Variants in SFXN5 observed in about 807,000 individuals in gnomAD.
SFXN5 encodes sideroflexin-5.
In SFXN5, 43 loss-of-function variants were observed where a neutral mutation model predicts 50.2. The observed-to-expected ratio is 0.86, with a 90% CI of 0.67 to 1.11. SFXN5 has a LOEUF of 1.11. SFXN5 is among the 50% of genes least tolerant of loss of function. The pLI is 0.00. For synonymous variants in SFXN5, 203 were observed against 185.8 expected (o/e 1.09, Z -0.75); for missense variants, 463 against 454.1 (o/e 1.02, Z -0.18).
chr2:72,998,990 G>A lies in SFXN5; in HGVS notation c.493C>T (p.Gln165Ter). ...TKPSPASKFI[Q>*]GYLGAVISAV... ...CTGATGACAGCTCCCAGGTATCCCT[G>A]GATGAACTTGGATGCAGGTGAAGGC... Residue 165 changes from glutamine (Q) to a stop codon, truncating the protein, a stop_gained, in exon 9 of 14, where the codon CAG becomes TAG. Transcript: ENST00000272433. LOFTEE classifies it high-confidence loss of function. The A allele has an allele frequency of 6.2e-7, 1 of 1,614,178 alleles. No homozygotes were observed. The highest frequency in any genetic ancestry group is 8.5e-7 in the Non-Finnish European group (1 of 1,180,028).
rs992482279 is a variant in SFXN5 at position 72,992,571 on chromosome 2, C to G, written c.535-4223G>C. On this transcript the variant is annotated intron_variant, in intron 9 of 13. Coordinates refer to ENST00000272433, the MANE Select transcript of SFXN5 (RefSeq NM_144579.3). The surrounding 1 kb of genome is among the most constrained non-coding windows in gnomAD (Gnocchi z 4.5). Reference sequence around the variant, plus strand: ...GCCTCCTCGCCCATTTCCAGCTCTGCTTCTCATGCCAGAGACCTCACAGCG... The same window carrying G: ...GCCTCCTCGCCCATTTCCAGCTCTGGTTCTCATGCCAGAGACCTCACAGCG... Among the ~76,000 whole-genome samples, 9 of 152,238 alleles carry G rather than the reference C, an allele frequency of 5.9e-5. No individual in the cohort carries two copies. Among genetic ancestry groups the G allele is most frequent in the African/African-American group, 2.2e-4 (9 of 41,464 alleles).
At chr2:72,982,820 GCC>G (rs1255537800) in intron 10 of SFXN5, among the ~76,000 whole-genome samples, 2 of 152,238 alleles carry the variant, frequency 1.3e-5, no homozygotes, top group Non-Finnish European at 2.9e-5. Context: ...AAGGCCTGGG[GCC>G]CGGCAAGAGG....
At chr2:73,016,684 A>T (rs2105800033) in intron 6 of SFXN5, among the ~76,000 whole-genome samples, 1 of 152,344 alleles carries the variant, frequency 6.6e-6, no homozygotes, top group South Asian at 2.1e-4. Flanking sequence ...AGCCTGGGAG[A>T]CAGAGTGAGA....
At chr2:73,025,796 G>A (rs1391023757) in intron 3 of SFXN5, among the ~76,000 whole-genome samples, 6 of 152,160 alleles carry the variant, frequency 3.9e-5, no homozygotes, top group African/African-American at 9.7e-5. Flanking sequence ...AGGGAGAGAC[G>A]TTGAAAATGT....
At chr2:72,979,288 C>A (rs563195505) in intron 10 of SFXN5, among the ~76,000 whole-genome samples, 2 of 152,200 alleles carry the variant, frequency 1.3e-5, no homozygotes, top group South Asian at 4.1e-4. Context: ...GTGTATCTAA[C>A]GTTCTCTTTC....
intron 5 of SFXN5, among the ~76,000 whole-genome samples, chr2:73,021,345 G>A (rs1559164914): frequency 6.6e-6 from 1 of 152,234 alleles, no homozygotes; most frequent in African/African-American, 2.4e-5. Context: ...TTAGCCAGGT[G>A]TGGTAGTGTG....
At chr2:73,055,505 A>G (rs181824899) in intron 2 of SFXN5, among the ~76,000 whole-genome samples, 3 of 152,232 alleles carry the variant, frequency 2.0e-5, no homozygotes, top group African/African-American at 7.2e-5. Flanking sequence ...TACTTAATAA[A>G]TATTTGACAT....
chr2:72,961,062 A>C lies in SFXN5; in HGVS notation c.945+69T>G. 8.9e-7 allele frequency: 1 copy of C among 1,120,292 alleles called. No homozygotes were observed. Among genetic ancestry groups the C allele is most frequent in the South Asian group, 1.7e-5 (1 of 59,466 alleles). The allele number at this position is 1,120,292 out of a possible 1,614,324, so 69.4% of individuals were successfully genotyped here. ...GGCGCTAAGGAGTCGGCACGGTATG[A>C]GTATTTGTTCAGAAATCACCAAACA... On this transcript the variant is annotated intron_variant, in intron 13 of 13. Transcript: ENST00000272433. The surrounding 1 kb of genome is among the most constrained non-coding windows in gnomAD (Gnocchi z 4.4).
intron 2 of SFXN5, among the ~76,000 whole-genome samples, chr2:73,046,649 A>G (rs889287764): frequency 6.6e-6 from 1 of 152,084 alleles, no homozygotes; most frequent in Non-Finnish European, 1.5e-5. Flanking sequence ...CTGCACCCCA[A>G]AAACTATTTT....
chr2:72,963,149 C>T (rs1385112860), intron 12 of SFXN5, among the ~76,000 whole-genome samples: 3 of 152,166 alleles, frequency 2.0e-5, no homozygotes, highest in South Asian at 2.1e-4. Flanking sequence ...TGTGGAAGGA[C>T]GGGGCTGCCC....
chr2:73,053,965 G>A (rs1279869071), intron 2 of SFXN5, among the ~76,000 whole-genome samples: 1 of 152,198 alleles, frequency 6.6e-6, no homozygotes, highest in Non-Finnish European at 1.5e-5. Flanking sequence ...GGGGGAGCCT[G>A]GCCCTCCCAG....
intron 1 of SFXN5, among the ~76,000 whole-genome samples, chr2:73,062,579 G>A (rs1574272159): frequency 1.3e-5 from 2 of 152,070 alleles, no homozygotes; most frequent in African/African-American, 4.8e-5. Context: ...TAGCTACTGG[G>A]GGAGACTCCC....
intron 6 of SFXN5, among the ~76,000 whole-genome samples, chr2:73,007,131 G>C (rs890912810): frequency 1.3e-5 from 2 of 152,178 alleles, no homozygotes; most frequent in Non-Finnish European, 2.9e-5. Flanking sequence ...ATAAAGGCAG[G>C]AGGGGTAAGG....
At chr2:73,067,539 T>G (rs937387197) in intron 1 of SFXN5, among the ~76,000 whole-genome samples, 1 of 152,234 alleles carries the variant, frequency 6.6e-6, no homozygotes, top group Non-Finnish European at 1.5e-5. Context: ...TTTGTTGTCT[T>G]TTGACTTCTC....
intron 2 of SFXN5, among the ~76,000 whole-genome samples, chr2:73,057,264 G>A (rs896532615): frequency 1.3e-5 from 2 of 151,992 alleles, no homozygotes; most frequent in Non-Finnish European, 2.9e-5. Context: ...TGAGCCTCTC[G>A]AGTAGCTGGG....
chr2:73,044,379 G>C (rs556456169), intron 2 of SFXN5: 1 of 152,432 alleles, frequency 6.6e-6, no homozygotes, highest in Middle Eastern at 3.4e-3. Flanking sequence ...AAGGCCGAGG[G>C]GCTGAGGCTC....
At chr2:72,966,621 CA>C (rs1476669072) in intron 12 of SFXN5, among the ~76,000 whole-genome samples, 1 of 152,216 alleles carries the variant, frequency 6.6e-6, no homozygotes, top group Non-Finnish European at 1.5e-5. Flanking sequence ...GCTGGGCACA[CA>C]GGACCCCTCA....
intron 10 of SFXN5, among the ~76,000 whole-genome samples, chr2:72,980,691 A>T (rs1671186584): frequency 6.6e-6 from 1 of 152,158 alleles, no homozygotes; most frequent in Non-Finnish European, 1.5e-5. Context: ...CCATCTTTTT[A>T]AAAAGCCCCT....
At position 73,023,222 on chromosome 2, in the gene SFXN5, A is replaced by G; in HGVS notation, c.250-8T>C. On this transcript the variant is annotated splice_polypyrimidine_tract_variant and splice_region_variant and intron_variant, in intron 3 of 13. Transcript: ENST00000272433. Reference sequence around the variant, plus strand: ...TTTCTGTGCACTCCAGAGCTGGAAGAGAGATAAAGGAAAAGAAAATAAAGA... The same window carrying G: ...TTTCTGTGCACTCCAGAGCTGGAAGGGAGATAAAGGAAAAGAAAATAAAGA... 1 of 1,599,478 alleles carries G rather than the reference A, an allele frequency of 6.3e-7. No individual in the cohort carries two copies. Among genetic ancestry groups the G allele is most frequent in the Non-Finnish European group, 8.5e-7 (1 of 1,172,276 alleles).
Sources: allele counts gnomAD v4.1 joint callset (sites outside exome capture counted in the v4.1 genomes callset), GRCh38; gene constraint gnomAD v4.1.1; non-coding constraint Gnocchi (gnomAD v3.1); transcripts MANE v1.5; gene names NCBI Gene and HGNC (gene_info 2026-07-23, HGNC 2026-07-21).